Variants in TTLL5 observed in about 807,000 individuals in gnomAD.
TTLL5 encodes tubulin polyglutamylase TTLL5.
In TTLL5, 132 loss-of-function variants were observed where a neutral mutation model predicts 168.4. The ratio of observed to expected loss-of-function variants is 0.78; its 90% confidence interval spans 0.68 to 0.91. The LOEUF is 0.91. Among genes scored for constraint, TTLL5 ranks in the 40% least tolerant of loss-of-function variants. The probability of loss-of-function intolerance (pLI) is 0.00; values close to 1 mark genes in which losing one functional copy is unlikely to be tolerated. For missense variants in TTLL5, 1,545 were observed against 1,581.5 expected, an observed-to-expected ratio of 0.98 and a Z score of 0.39; for synonymous variants, 546 against 558.6, an observed-to-expected ratio of 0.98 and a Z score of 0.32.
chr14:75,694,589 C>T (rs1885699272), intron 6 of TTLL5, among the ~76,000 whole-genome samples: 1 of 152,206 alleles, frequency 6.6e-6, no homozygotes, highest in Non-Finnish European at 1.5e-5. Context: ...CCACCTCGGC[C>T]TCCCAAATTG....
chr14:75,746,341 T>C (rs1164120260), intron 17 of TTLL5, among the ~76,000 whole-genome samples: 6 of 152,184 alleles, frequency 3.9e-5, no homozygotes, highest in African/African-American at 1.4e-4. Context: ...GACATTTGGG[T>C]TGTGTTCAGT....
rs1895828388 is a variant in TTLL5 at position 75,835,711 on chromosome 14, A to G, written c.3326+15550A>G. On this transcript the variant is annotated intron_variant, in intron 28 of 31. Coordinates refer to ENST00000298832, the MANE Select transcript of TTLL5 (RefSeq NM_015072.5). Reference sequence around the variant, plus strand: ...AAACAACTCTGTAGGAAAAAAACTAATAATCCAATTAAAAATAGGCAGAAG... The same window carrying G: ...AAACAACTCTGTAGGAAAAAAACTAGTAATCCAATTAAAAATAGGCAGAAG... 3 of 152,254 alleles carry G rather than the reference A, an allele frequency of 2.0e-5. No individual in the cohort carries two copies. In the South Asian group the frequency reaches 6.2e-4, roughly 31 times the overall value. 9.4% of individuals were successfully genotyped at this position (152,254 alleles called of 1,614,324 possible). A position where few individuals can be genotyped will look rare whatever the true frequency, so the allele number is the denominator to read the frequency against.
chr14:75,867,916 G>A (rs2030666414), intron 29 of TTLL5, among the ~76,000 whole-genome samples: 1 of 152,118 alleles, frequency 6.6e-6, no homozygotes. Flanking sequence ...TCCTGCCCCT[G>A]AAGGAGAAGG....
intron 28 of TTLL5, among the ~76,000 whole-genome samples, chr14:75,844,810 A>T (rs1008724415): frequency 2.6e-5 from 4 of 152,096 alleles, no homozygotes; most frequent in African/African-American, 9.7e-5. Flanking sequence ...TTGCAGCTTC[A>T]TCATAAGTGC....
intron 28 of TTLL5, among the ~76,000 whole-genome samples, chr14:75,842,653 G>C (rs1896321198): frequency 6.6e-6 from 1 of 152,088 alleles, no homozygotes; most frequent in Non-Finnish European, 1.5e-5. Flanking sequence ...ATATTAAAAA[G>C]GAAGAAAAGT....
At chr14:75,809,667 T>C (rs536519722) in intron 27 of TTLL5, among the ~76,000 whole-genome samples, 15 of 152,324 alleles carry the variant, frequency 9.8e-5, no homozygotes, top group East Asian at 1.9e-4. Context: ...CTAGAACTTA[T>C]TCATTTTATC....
chr14:75,713,255 A>G (rs917222752), intron 9 of TTLL5, among the ~76,000 whole-genome samples: 2 of 152,208 alleles, frequency 1.3e-5, no homozygotes, highest in Non-Finnish European at 2.9e-5. Context: ...ACATCATAAC[A>G]CAATGTATTA....
At chr14:75,857,559 A>G (rs1897194953) in intron 28 of TTLL5, among the ~76,000 whole-genome samples, 1 of 151,236 alleles carries the variant, frequency 6.6e-6, no homozygotes, top group Non-Finnish European at 1.5e-5. Flanking sequence ...TAACCTCATG[A>G]GTTGGGAAGT....
intron 20 of TTLL5, among the ~76,000 whole-genome samples, chr14:75,767,562 T>C (rs1891040544): frequency 6.6e-6 from 1 of 152,154 alleles, no homozygotes; most frequent in African/African-American, 2.4e-5. Context: ...GTAATGAGCT[T>C]GGTGTGTTTA....
At chr14:75,662,733 C>T (rs2140073375) in intron 1 of TTLL5, among the ~76,000 whole-genome samples, 1 of 152,216 alleles carries the variant, frequency 6.6e-6, no homozygotes, top group East Asian at 1.9e-4. Flanking sequence ...AATCAGTCAC[C>T]TGCCTCAAAC....
At chr14:75,686,147 TG>T (rs922080343) in intron 5 of TTLL5, among the ~76,000 whole-genome samples, 1 of 152,216 alleles carries the variant, frequency 6.6e-6, no homozygotes, top group African/African-American at 2.4e-5. Context: ...AAGTTTTTAA[TG>T]ATTACCACAA....
intron 31 of TTLL5, among the ~76,000 whole-genome samples, chr14:75,951,192 G>GA (rs1157582034): frequency 1.3e-5 from 2 of 150,562 alleles, no homozygotes; most frequent in African/African-American, 2.4e-5. Context: ...AAAAAATAGA[G>GA]AAAAAATTAG....
chr14:75,800,957 C>T (rs558087736), intron 27 of TTLL5, among the ~76,000 whole-genome samples: 2 of 152,126 alleles, frequency 1.3e-5, no homozygotes, highest in Admixed American at 6.5e-5. Context: ...GCTGGTTGTG[C>T]TAGTGGTTTT....
intron 17 of TTLL5, among the ~76,000 whole-genome samples, chr14:75,747,616 G>GGTTT (rs1312193608): frequency 6.6e-6 from 1 of 150,926 alleles, no homozygotes; most frequent in Non-Finnish European, 1.5e-5. Flanking sequence ...GCATTGTTAT[G>GGTTT]GTTTGTTTAT....
At chr14:75,707,529 C>A in intron 8 of TTLL5, 94 bp from the exon 9 acceptor site, 1 of 1,091,680 alleles carries the variant, frequency 9.2e-7, no homozygotes, top group Non-Finnish European at 1.3e-6. Context: ...TAGGAATGTT[C>A]TTTCTTTCAT....
intron 9 of TTLL5, among the ~76,000 whole-genome samples, chr14:75,712,815 A>G (rs1887178911): frequency 6.6e-6 from 1 of 152,202 alleles, no homozygotes; most frequent in Non-Finnish European, 1.5e-5. Flanking sequence ...TTAGAAAGCG[A>G]AAAGGAAATG....
chr14:75,841,141 C>T (rs1896212176), intron 28 of TTLL5, among the ~76,000 whole-genome samples: 1 of 152,202 alleles, frequency 6.6e-6, no homozygotes, highest in Non-Finnish European at 1.5e-5. Context: ...ATCATCCAAT[C>T]ACCTCCCACC....
At chr14:75,683,501 G>C in intron 4 of TTLL5, 49 bp from the exon 5 acceptor site, 1 of 1,402,074 alleles carries the variant, frequency 7.1e-7, no homozygotes, top group Non-Finnish European at 1.0e-6. Context: ...CCTGGAGAAG[G>C]GGTATCTCTG....
Position 75,820,121 on chromosome 14 carries a change from C to T in TTLL5, c.3286C>T (p.Pro1096Ser). Reference protein sequence around the residue: ...SGPTWSTQSDPQAPENHSSSP... With the variant: ...SGPTWSTQSDSQAPENHSSSP... ...CCCGACATGGTCTACACAGTCAGAC[C>T]CCCAAGCTCCCGAGAATCACTCCAG... is the stretch of plus-strand genomic sequence containing the variant. Residue 1096 changes from proline (P) to serine (S), a missense_variant, in exon 28 of 32, where the codon CCC (proline) becomes TCC (serine). Coordinates refer to ENST00000298832, the MANE Select transcript of TTLL5 (RefSeq NM_015072.5). 1 of 1,600,886 alleles carries T rather than the reference C, an allele frequency of 6.2e-7. No individual in the cohort carries two copies. The highest frequency in any genetic ancestry group is 1.1e-5 in the South Asian group (1 of 88,842).
Sources: allele counts gnomAD v4.1 joint callset (sites outside exome capture counted in the v4.1 genomes callset), GRCh38; gene constraint gnomAD v4.1.1; transcripts MANE v1.5; gene names NCBI Gene and HGNC (gene_info 2026-07-23, HGNC 2026-07-21).